The following RIMBP2 variants were observed in gnomAD, a reference collection of about 807,000 sequenced individuals.
RIMBP2 encodes the protein RIMS-binding protein 2.
A neutral mutation model predicts 118.6 loss-of-function variants in RIMBP2; 48 were observed. That is an observed-to-expected ratio of 0.40 (90% CI 0.32 to 0.51). The LOEUF (loss-of-function observed/expected upper bound fraction) is 0.51. Ranked by LOEUF, RIMBP2 falls within the 20% of genes least tolerant of loss-of-function variation. The pLI is 0.41. For synonymous variants in RIMBP2, 762 were observed against 742.9 expected, an observed-to-expected ratio of 1.03 and a Z score of -0.42; for missense variants, 1,551 against 1,768.3, an observed-to-expected ratio of 0.88 and a Z score of 2.20.
At chr12:130,634,773 T>C (rs751484211) in intron 1 of RIMBP2, among the ~76,000 whole-genome samples, 1 of 151,956 alleles carries the variant, frequency 6.6e-6, no homozygotes, top group Non-Finnish European at 1.5e-5. Flanking sequence ...AAAATATATA[T>C]ATTTTTGTAG....
At position 130,557,569 on chromosome 12, in the gene RIMBP2, G is replaced by A. The variant is rs959356649; in HGVS notation, c.-216-39652C>T. Reference sequence around the variant, plus strand: ...GGTGATGCCTAGGCAGACTCACCACGGACTCTGAGCAGAAGTCTTGGCTGA... The same window carrying A: ...GGTGATGCCTAGGCAGACTCACCACAGACTCTGAGCAGAAGTCTTGGCTGA... On this transcript the variant is annotated intron_variant, in intron 2 of 22. Transcript: ENST00000690449. Among the ~76,000 whole-genome samples, 14 of 152,128 alleles carry A rather than the reference G, an allele frequency of 9.2e-5. No individual in the cohort carries two copies. In the East Asian group the frequency reaches 1.2e-3, roughly 13 times the overall value.
At chr12:130,635,656 C>T (rs768763081) in intron 1 of RIMBP2, among the ~76,000 whole-genome samples, 30 of 152,276 alleles carry the variant, frequency 2.0e-4, no homozygotes, top group Non-Finnish European at 3.2e-4. Flanking sequence ...CTGGCAATTT[C>T]TGTGCTCTGG....
At position 130,450,331 on chromosome 12, in the gene RIMBP2, A is replaced by G. The variant is rs2078894684; in HGVS notation, c.505-55T>C. Reference sequence around the variant, plus strand: ...ATTGAAGCTGGAGGTGTCCCACCCCATTCCCGCGGCACACGGGAAAGCCCC... The same window carrying G: ...ATTGAAGCTGGAGGTGTCCCACCCCGTTCCCGCGGCACACGGGAAAGCCCC... On this transcript the variant is annotated intron_variant, in intron 8 of 22. Transcript: ENST00000690449. This position sits in a 1 kb window ranked among gnomAD's most constrained non-coding sequence, Gnocchi z 4.8. 4 of 1,354,264 alleles carry G rather than the reference A, an allele frequency of 3.0e-6. No individual in the cohort carries two copies. In the Admixed American group the frequency reaches 7.4e-5, roughly 25 times the overall value. The allele number at this position is 1,354,264 out of a possible 1,614,324, so 83.9% of individuals were successfully genotyped here. A position where few individuals can be genotyped will look rare whatever the true frequency, so the allele number is the denominator to read the frequency against.
chr12:130,594,184 C>T (rs1373539148), intron 2 of RIMBP2, among the ~76,000 whole-genome samples: 3 of 152,190 alleles, frequency 2.0e-5, no homozygotes, highest in South Asian at 2.1e-4. Context: ...AAGAACCTTC[C>T]GTCATGTTGC....
intron 2 of RIMBP2, among the ~76,000 whole-genome samples, chr12:130,535,720 TATATATACATATATATAC>T (rs1397375945): frequency 5.7e-5 from 4 of 70,034 alleles, no homozygotes; most frequent in African/African-American, 1.3e-4. Flanking sequence ...TACATATACA[TATATATACATATATATAC>T]ATATATATAT....
chr12:130,699,076 A>G (rs1172241205), intron 1 of RIMBP2, among the ~76,000 whole-genome samples: 1 of 152,138 alleles, frequency 6.6e-6, no homozygotes, highest in Non-Finnish European at 1.5e-5. Context: ...AAAAGTCAGG[A>G]AATAGGTGCT....
At chr12:130,416,803 T>C (rs1028356993) in intron 17 of RIMBP2, among the ~76,000 whole-genome samples, 1 of 152,064 alleles carries the variant, frequency 6.6e-6, no homozygotes, top group Non-Finnish European at 1.5e-5. Flanking sequence ...GGAGAAAATA[T>C]TTGCAAATTG....
chr12:130,460,781 C>T (rs1475402933), intron 6 of RIMBP2, among the ~76,000 whole-genome samples: 2 of 152,082 alleles, frequency 1.3e-5, no homozygotes, highest in Non-Finnish European at 2.9e-5. Flanking sequence ...GGCCTGGCGC[C>T]GGGGACATCC....
At position 130,479,787 on chromosome 12, in the gene RIMBP2, C is replaced by T. The variant is rs77354820; in HGVS notation, c.-3-771G>A. 0.01 allele frequency among the ~76,000 whole-genome samples: 1,592 copies of T among 151,894 alleles called. 111 individuals carry two copies. The East Asian group carries it at 0.18, about 17-fold the overall frequency. The stretch of plus-strand genomic sequence containing the variant: ...GGCCCATTTTCTGCAGCAGAGAGGA[C>T]AGAGCCGGGTTCCTGGCTCTGTCCT... On this transcript the variant is annotated intron_variant, in intron 4 of 22. Coordinates refer to ENST00000690449, the MANE Select transcript of RIMBP2 (RefSeq NM_001393629.1).
At chr12:130,473,543 C>T (rs892812135) in intron 5 of RIMBP2, among the ~76,000 whole-genome samples, 4 of 152,154 alleles carry the variant, frequency 2.6e-5, no homozygotes, top group African/African-American at 4.8e-5. Flanking sequence ...AGGCCCCCGG[C>T]GACTGTGACG....
At chr12:130,421,693 G>A (rs1369960100) in intron 17 of RIMBP2, among the ~76,000 whole-genome samples, 1 of 74,946 alleles carries the variant, frequency 1.3e-5, no homozygotes, top group East Asian at 5.7e-4. Context: ...GCATTTATAT[G>A]TGTGTGTGTG....
intron 1 of RIMBP2, among the ~76,000 whole-genome samples, chr12:130,650,554 A>C (rs777037812): frequency 1.2e-4 from 19 of 152,252 alleles, no homozygotes; most frequent in Non-Finnish European, 2.2e-4. Context: ...CCCCTCCAGC[A>C]GCACATGTGA....
chr12:130,520,172 T>C (rs1477588739), intron 2 of RIMBP2, among the ~76,000 whole-genome samples: 1 of 152,368 alleles, frequency 6.6e-6, no homozygotes, highest in African/African-American at 2.4e-5. Context: ...ATTTTATTTA[T>C]ATTCCATCTC....
At chr12:130,585,004 C>A (rs10450708) in intron 2 of RIMBP2, among the ~76,000 whole-genome samples, 22,722 of 152,074 alleles carry the variant, frequency 0.15, 2,818 homozygotes, top group African/African-American at 0.34. Flanking sequence ...AATGCTCCTA[C>A]CTCCTGCGTA....
intron 2 of RIMBP2, among the ~76,000 whole-genome samples, chr12:130,520,386 G>A: frequency 6.6e-6 from 1 of 151,828 alleles, no homozygotes; most frequent in African/African-American, 2.4e-5. Flanking sequence ...TACTATACTG[G>A]GCACACCCTA....
chr12:130,468,138 G>A (rs574714811), intron 6 of RIMBP2, among the ~76,000 whole-genome samples: 1 of 152,258 alleles, frequency 6.6e-6, no homozygotes, highest in African/African-American at 2.4e-5. Flanking sequence ...TGAGTGGGTG[G>A]GACTTGACAG....
At chr12:130,669,293 A>T (rs1475850976) in intron 1 of RIMBP2, 2 of 152,230 alleles carry the variant, frequency 1.3e-5, no homozygotes, top group African/African-American at 4.8e-5. Flanking sequence ...TAAATAGGCT[A>T]AAAACTGGAA....
chr12:130,665,580 G>A (rs1247273309), intron 1 of RIMBP2, among the ~76,000 whole-genome samples: 1 of 151,654 alleles, frequency 6.6e-6, no homozygotes, highest in Non-Finnish European at 1.5e-5. Flanking sequence ...TAATTGTGAG[G>A]AAACATCAGA....
At chr12:130,653,070 A>T (rs562475092) in intron 1 of RIMBP2, among the ~76,000 whole-genome samples, 1 of 152,204 alleles carries the variant, frequency 6.6e-6, no homozygotes. Flanking sequence ...CCCAAATCTC[A>T]TGTCCTTCTC....
Sources: allele counts gnomAD v4.1 joint callset (sites outside exome capture counted in the v4.1 genomes callset), GRCh38; gene constraint gnomAD v4.1.1; non-coding constraint Gnocchi (gnomAD v3.1); transcripts MANE v1.5; gene names NCBI Gene and HGNC (gene_info 2026-07-23, HGNC 2026-07-21).